Variants in BCL7C observed in about 807,000 individuals in gnomAD.
BCL7C encodes the protein B-cell CLL/lymphoma 7 protein family member C.
BCL7C carries 8 observed loss-of-function variants against 26.2 expected under a neutral mutation model. That is an observed-to-expected ratio of 0.30 (90% CI 0.18 to 0.55). The LOEUF (loss-of-function observed/expected upper bound fraction) is 0.55. Among genes scored for constraint, BCL7C ranks in the 20% least tolerant of loss-of-function variants. The pLI is 0.93. For synonymous variants in BCL7C, 90 were observed against 116.5 expected (o/e 0.77, Z 1.47); for missense variants, 262 against 298.5 (o/e 0.88, Z 0.90).
chr16:30,874,223 T>C (rs973797174), intron 5 of BCL7C, among the ~76,000 whole-genome samples: 1 of 151,992 alleles, frequency 6.6e-6, no homozygotes, highest in Non-Finnish European at 1.5e-5. Context: ...CTTGAACTCC[T>C]GACCTCAAGT....
chr16:30,875,626 T>C (rs1206208721), intron 5 of BCL7C: 7 of 152,216 alleles, frequency 4.6e-5, no homozygotes, highest in African/African-American at 1.7e-4. Flanking sequence ...TCACCAGATC[T>C]TAAGATACAG....
intron 5 of BCL7C, among the ~76,000 whole-genome samples, chr16:30,855,786 C>T (rs192498707): frequency 6.6e-6 from 1 of 151,740 alleles, no homozygotes; most frequent in African/African-American, 2.4e-5. Flanking sequence ...AAGGGCTGGG[C>T]GTGGTGGCTC....
intron 5 of BCL7C, among the ~76,000 whole-genome samples, chr16:30,855,221 AC>A (rs1358999400): frequency 2.0e-5 from 3 of 151,930 alleles, no homozygotes; most frequent in African/African-American, 7.3e-5. Flanking sequence ...GATATAGGCC[AC>A]CCTTCTCAAA....
chr16:30,888,485 T>C (rs1328650170), intron 5 of BCL7C, among the ~76,000 whole-genome samples: 1 of 152,062 alleles, frequency 6.6e-6, no homozygotes, highest in Admixed American at 6.6e-5. Context: ...TACAGGCACG[T>C]GCCACCACGC....
rs549185211 is a variant in BCL7C, at chr16:30,840,427, C to T, written c.529-5279G>A. Among the ~76,000 whole-genome samples the T allele has an allele frequency of 1.1e-3, 165 of 151,882 alleles. 1 individual carries two copies. The highest frequency in any genetic ancestry group is 1.8e-3 in the Non-Finnish European group (125 of 67,928). ...GAGACAGGATTTCACCATGTTGGCC[C>T]GACTGGTCTCAAACTCCTGACCTCA... On this transcript the variant is annotated intron_variant, in intron 5 of 5. Transcript: ENST00000380317.
At chr16:30,885,838 G>A (rs574041440), downstream of BCL7C, among the ~76,000 whole-genome samples, 20 of 152,180 alleles carry the variant, frequency 1.3e-4, 1 homozygote, top group South Asian at 3.9e-3. Flanking sequence ...AGCTGCTGTC[G>A]GAAGCATCCT....
intron 5 of BCL7C, chr16:30,851,307 C>G: frequency 4.8e-6 from 1 of 210,228 alleles, no homozygotes; most frequent in East Asian, 1.4e-4. Context: ...GTGGCACAAT[C>G]TTGGCTCATC....
chr16:30,890,023 A>C (rs1050490767), intron 4 of BCL7C, among the ~76,000 whole-genome samples: 5 of 152,036 alleles, frequency 3.3e-5, no homozygotes, highest in Non-Finnish European at 5.9e-5. Flanking sequence ...GGAACCAAAA[A>C]CGGGTGAGAA....
chr16:30,885,311 C>A (rs1237856847), downstream of BCL7C, among the ~76,000 whole-genome samples: 4 of 152,146 alleles, frequency 2.6e-5, no homozygotes, highest in Non-Finnish European at 5.9e-5. Context: ...AGAAAGAGAT[C>A]CTCCTCTGGA....
At chr16:30,846,370 C>T (rs918749071) in intron 5 of BCL7C, among the ~76,000 whole-genome samples, 6 of 151,294 alleles carry the variant, frequency 4.0e-5, no homozygotes, top group East Asian at 2.0e-4. Flanking sequence ...GGACTACAGG[C>T]GCCCACCAAC....
At chr16:30,874,570 G>C (rs974925742) in intron 5 of BCL7C, among the ~76,000 whole-genome samples, 7 of 152,054 alleles carry the variant, frequency 4.6e-5, no homozygotes. Flanking sequence ...AGTGAGCGGA[G>C]ATCGCACCGC....
chr16:30,885,681 G>GC (rs2055122050), downstream of BCL7C, among the ~76,000 whole-genome samples: 1 of 152,130 alleles, frequency 6.6e-6, no homozygotes, highest in Admixed American at 6.6e-5. Flanking sequence ...TGGGATTATA[G>GC]GCATGAGCCA....
chr16:30,885,552 C>T (rs1030223474), downstream of BCL7C, among the ~76,000 whole-genome samples: 1 of 151,944 alleles, frequency 6.6e-6, no homozygotes, highest in African/African-American at 2.4e-5. Flanking sequence ...TACAGGCGCC[C>T]GCCACTATGC....
At chr16:30,877,428 C>A (rs561557856) in intron 5 of BCL7C, among the ~76,000 whole-genome samples, 2 of 147,252 alleles carry the variant, frequency 1.4e-5, no homozygotes, top group Non-Finnish European at 3.0e-5. Flanking sequence ...GCACGTCACC[C>A]GGCCTGAGTC....
In BCL7C at chr16:30,888,896, G is replaced by C. The variant is rs2055179535; in HGVS notation, c.492C>G (p.Thr164=). ...GCAGTTCTGGAACAGGCTCCTCCTTGGTCAGCATTGGGGGTTCGTCGGTGC... is the reference window on the plus strand; with the variant it reads ...GCAGTTCTGGAACAGGCTCCTCCTTCGTCAGCATTGGGGGTTCGTCGGTGC... ...AGSTDEPPML[T]KEEPVPELLE... Residue 164 remains threonine (T), a synonymous_variant, in exon 5 of 6, where the codon ACC becomes ACG. Coordinates refer to ENST00000215115, the MANE Select transcript of BCL7C (RefSeq NM_004765.4). 6.2e-7 allele frequency: 1 copy of C among 1,614,046 alleles called. No individual in the cohort carries two copies. Among genetic ancestry groups the C allele is most frequent in the Non-Finnish European group, 8.5e-7 (1 of 1,179,980 alleles).
chr16:30,845,745 A>C, intron 5 of BCL7C, among the ~76,000 whole-genome samples: 1 of 148,002 alleles, frequency 6.8e-6, no homozygotes, highest in Non-Finnish European at 1.5e-5. Context: ...TTGAGACAGC[A>C]CTCTGTTGCC....
chr16:30,892,574 A>G lies in BCL7C; in HGVS notation c.442+12T>C. On this transcript the variant is annotated intron_variant, in intron 4 of 5. Coordinates refer to ENST00000215115, the MANE Select transcript of BCL7C (RefSeq NM_004765.4). ...TTAGAGGAGAGAGCTCCTGGGAGGT[A>G]CCTGGTCCTACCTCTCTCTTGGCCC... The G allele has an allele frequency of 6.5e-7, 1 of 1,541,888 alleles. No homozygotes were observed. Among genetic ancestry groups the G allele is most frequent in the South Asian group, 1.3e-5 (1 of 77,880 alleles).
intron 5 of BCL7C, among the ~76,000 whole-genome samples, chr16:30,862,837 G>C (rs1336358975): frequency 6.6e-6 from 1 of 152,002 alleles, no homozygotes; most frequent in Non-Finnish European, 1.5e-5. Context: ...AGGAAACCTA[G>C]CTGACCCCAT....
At chr16:30,846,470 G>A (rs770126342) in intron 5 of BCL7C, among the ~76,000 whole-genome samples, 2 of 151,702 alleles carry the variant, frequency 1.3e-5, no homozygotes, top group African/African-American at 2.4e-5. Flanking sequence ...CTCGTGATCC[G>A]CCCACCTAGG....
Sources: gnomAD v4.1 joint callset for allele counts (sites outside exome capture counted in the v4.1 genomes callset) on GRCh38, gnomAD v4.1.1 for gene constraint, MANE v1.5 for transcripts, NCBI Gene and HGNC (gene_info 2026-07-23, HGNC 2026-07-21) for gene names.